EPHA4: variants seen among roughly 807,000 people sequenced by gnomAD.
EPHA4 encodes the protein EPH receptor A4.
A neutral mutation model predicts 108.3 loss-of-function variants in EPHA4; 19 were observed. That is an observed-to-expected ratio of 0.18 (90% CI 0.12 to 0.26). EPHA4 has a LOEUF of 0.26. Among genes scored for constraint, EPHA4 ranks in the 10% least tolerant of loss-of-function variants. The pLI is 1.00. For missense variants in EPHA4, 917 were observed against 1,254.0 expected, an observed-to-expected ratio of 0.73 and a Z score of 4.06; for synonymous variants, 449 against 455.5, an observed-to-expected ratio of 0.99 and a Z score of 0.18.
chr2:221,424,154 CCAAG>C (rs1689831328), intron 17 of EPHA4, among the ~76,000 whole-genome samples: 1 of 149,502 alleles, frequency 6.7e-6, no homozygotes, highest in Non-Finnish European at 1.5e-5. Flanking sequence ...TTTTTTTTTA[CCAAG>C]CAAGCAAAAG....
At chr2:221,477,811 G>C (rs1248388711) in intron 5 of EPHA4, among the ~76,000 whole-genome samples, 2 of 152,104 alleles carry the variant, frequency 1.3e-5, no homozygotes, top group African/African-American at 2.4e-5. Flanking sequence ...TACATACTTA[G>C]AATCATAGAA....
chr2:221,452,967 C>T (rs2106114671), intron 8 of EPHA4, among the ~76,000 whole-genome samples: 1 of 152,272 alleles, frequency 6.6e-6, no homozygotes, highest in East Asian at 1.9e-4. Context: ...TTCTTTTCAT[C>T]AAAGCCAATG....
At chr2:221,567,770 G>A (rs1042681726) in intron 2 of EPHA4, among the ~76,000 whole-genome samples, 3 of 152,044 alleles carry the variant, frequency 2.0e-5, no homozygotes, top group Admixed American at 6.5e-5. Context: ...TGGAGCCCAC[G>A]CCAGGTTCTA....
intron 3 of EPHA4, among the ~76,000 whole-genome samples, chr2:221,521,006 G>A (rs1013416182): frequency 7.2e-5 from 11 of 152,152 alleles, no homozygotes; most frequent in South Asian, 2.1e-4. Flanking sequence ...GTTATATTGC[G>A]CCCCCTTTGA....
At chr2:221,553,962 G>A (rs1694233880) in intron 3 of EPHA4, among the ~76,000 whole-genome samples, 1 of 152,166 alleles carries the variant, frequency 6.6e-6, no homozygotes. Flanking sequence ...GTAAACGGAA[G>A]GGAAATGATA....
chr2:221,479,775 A>G (rs1559259021), intron 5 of EPHA4, among the ~76,000 whole-genome samples: 1 of 152,238 alleles, frequency 6.6e-6, no homozygotes, highest in Non-Finnish European at 1.5e-5. Context: ...TGCTCTGCAC[A>G]TATACAATTC....
chr2:221,532,180 T>C (rs1813498), intron 3 of EPHA4, among the ~76,000 whole-genome samples: 85,120 of 151,172 alleles, frequency 0.56, 24,684 homozygotes, highest in African/African-American at 0.7. Flanking sequence ...TGGAGTGCAG[T>C]GGCATGATCT....
chr2:221,498,395 A>G (rs923176651), intron 4 of EPHA4, among the ~76,000 whole-genome samples: 2 of 152,190 alleles, frequency 1.3e-5, no homozygotes, highest in Non-Finnish European at 2.9e-5. Flanking sequence ...GATTCCTACA[A>G]GAAAATTGTT....
intron 2 of EPHA4, among the ~76,000 whole-genome samples, chr2:221,567,151 T>G (rs562946512): frequency 4.7e-4 from 71 of 152,218 alleles, no homozygotes; most frequent in Admixed American, 9.8e-4. Context: ...GGTTCAAAAT[T>G]TGATTAGATG....
intron 3 of EPHA4, among the ~76,000 whole-genome samples, chr2:221,553,225 C>T (rs1323294485): frequency 6.6e-6 from 1 of 152,108 alleles, no homozygotes; most frequent in Non-Finnish European, 1.5e-5. Flanking sequence ...TCATCAAAAG[C>T]AATAATTTGC....
intron 3 of EPHA4, among the ~76,000 whole-genome samples, chr2:221,535,085 T>G (rs1693628658): frequency 6.6e-6 from 1 of 152,226 alleles, no homozygotes; most frequent in Non-Finnish European, 1.5e-5. Context: ...CTATTCTCTC[T>G]CTTGGATCTT....
chr2:221,520,122 A>C (rs554479649), intron 3 of EPHA4, among the ~76,000 whole-genome samples: 1 of 151,964 alleles, frequency 6.6e-6, no homozygotes, highest in South Asian at 2.1e-4. Context: ...AAATCTCTCA[A>C]TGATCCCCAC....
At chr2:221,551,500 C>T (rs1694160287) in intron 3 of EPHA4, among the ~76,000 whole-genome samples, 1 of 152,064 alleles carries the variant, frequency 6.6e-6, no homozygotes, top group Admixed American at 6.5e-5. Flanking sequence ...TTATGGTTCT[C>T]TAGAAGAAAG....
chr2:221,437,227 G>A (rs1690268013), intron 11 of EPHA4, 105 bp from the exon 12 acceptor site: 2 of 770,494 alleles, frequency 2.6e-6, no homozygotes, highest in Non-Finnish European at 4.3e-6. Context: ...TGTCTTGTGT[G>A]ATCTAATTTA....
chr2:221,522,940 C>T (rs1021247852), intron 3 of EPHA4, among the ~76,000 whole-genome samples: 12 of 151,828 alleles, frequency 7.9e-5, no homozygotes, highest in South Asian at 2.1e-4. Flanking sequence ...TAATTTTTGA[C>T]GGGGTTTCAC....
intron 2 of EPHA4, among the ~76,000 whole-genome samples, chr2:221,565,688 C>G (rs759657484): frequency 6.6e-6 from 1 of 152,204 alleles, no homozygotes; most frequent in African/African-American, 2.4e-5. Flanking sequence ...CATCTGCCAC[C>G]ATTATAAAAG....
chr2:221,564,204 G>T lies in EPHA4; in HGVS notation c.350C>A (p.Thr117Asn). ...GTACAGGTTAAACGTCTCCTTGCAA[G>T]TCCCCATGACGCCCGGAAGACTATT... Reference protein sequence around the residue: ...DCNSLPGVMGTCKETFNLYYY... With the variant: ...DCNSLPGVMGNCKETFNLYYY... Residue 117 changes from threonine (T) to asparagine (N), a missense_variant, in exon 3 of 18, where the codon ACT becomes AAT. Around this residue, in one of 3 missense-constraint regions of EPHA4, gnomAD observed 758 missense variants for 1,076.7 expected, o/e 0.70. Coordinates refer to ENST00000281821, the MANE Select transcript of EPHA4 (RefSeq NM_004438.5). The T allele has an allele frequency of 6.2e-7, 1 of 1,614,130 alleles. No homozygotes were observed. Among genetic ancestry groups the T allele is most frequent in the Non-Finnish European group, 8.5e-7 (1 of 1,180,026 alleles).
At chr2:221,453,886 G>T (rs1012921313) in intron 8 of EPHA4, among the ~76,000 whole-genome samples, 2 of 152,130 alleles carry the variant, frequency 1.3e-5, no homozygotes, top group Admixed American at 6.6e-5. Context: ...ATGATATTAA[G>T]AAATACATGG....
chr2:221,456,567 A>G, intron 7 of EPHA4, 46 bp downstream of exon 7: 1 of 1,597,532 alleles, frequency 6.3e-7, no homozygotes, highest in Non-Finnish European at 8.6e-7. Flanking sequence ...CAGCTGTATT[A>G]TAAAAATAGC....
Sources: gnomAD v4.1 joint callset for allele counts (sites outside exome capture counted in the v4.1 genomes callset) on GRCh38, gnomAD v4.1.1 for gene constraint, gnomAD v4.1.1 regional missense constraint, MANE v1.5 for transcripts, NCBI Gene and HGNC (gene_info 2026-07-23, HGNC 2026-07-21) for gene names.